PKP2: variants seen among roughly 807,000 people sequenced by gnomAD.
The protein encoded by PKP2 is plakophilin-2.
Under a neutral mutation model 83.4 loss-of-function variants are expected in PKP2, and 73 were observed. The observed-to-expected ratio is 0.88, with a 90% CI of 0.72 to 1.06. The LOEUF (loss-of-function observed/expected upper bound fraction) is 1.06, where lower values mean the gene tolerates loss of function less well. PKP2 is among the 50% of genes least tolerant of loss of function. The pLI is 0.00. For missense variants in PKP2, 966 were observed against 1,065.4 expected (o/e 0.91, Z 1.30); for synonymous variants, 409 against 430.4 (o/e 0.95, Z 0.62).
intron 6 of PKP2, among the ~76,000 whole-genome samples, chr12:32,833,791 T>C (rs902909407): frequency 2.0e-5 from 3 of 152,124 alleles, no homozygotes; most frequent in African/African-American, 2.4e-5. Flanking sequence ...ATAAAATGCA[T>C]TGAGAAAAAA....
In PKP2 at chr12:32,824,051, AT is replaced by A. The variant is rs794729128; in HGVS notation, c.1667del (p.Asp556ValfsTer56). On this transcript the variant is annotated frameshift_variant, in exon 7 of 13. Transcript: ENST00000340811. LOFTEE classifies it high-confidence loss of function. Reference protein sequence around the residue: ...VRGTIADYQPDDKATENCVCI... With the variant: ...VRGTIADYQPXDKATENCVCI... ...TATTTATCTCTTGAATTACCTTGTC[AT>A]CTGGCTGGTAATCTGCAATGGTTCC... is the stretch of plus-strand genomic sequence containing the variant. The A allele has an allele frequency of 1.3e-6, 2 of 1,554,986 alleles. No individual in the cohort carries two copies. Among genetic ancestry groups the A allele is most frequent in the Non-Finnish European group, 1.8e-6 (2 of 1,126,664 alleles).
intron 9 of PKP2, among the ~76,000 whole-genome samples, chr12:32,810,548 C>T (rs2389107): frequency 0.7 from 106,021 of 152,110 alleles, 38,836 homozygotes; most frequent in East Asian, 0.86. Context: ...CCTCTGCACA[C>T]TGCTGGTAGC....
chr12:32,867,840 C>T (rs776731999), intron 4 of PKP2, among the ~76,000 whole-genome samples: 6 of 152,132 alleles, frequency 3.9e-5, no homozygotes, highest in Non-Finnish European at 7.4e-5. Context: ...GTAGAAGAGA[C>T]TTACTTTTCA....
At chr12:32,815,031 G>A (rs1006004629) in intron 9 of PKP2, among the ~76,000 whole-genome samples, 1 of 151,056 alleles carries the variant, frequency 6.6e-6, no homozygotes, top group Non-Finnish European at 1.5e-5. Context: ...TTTCTTTTCT[G>A]ATTTTATACT....
At chr12:32,821,217 C>T in intron 9 of PKP2, 139 bp downstream of exon 9, 2 of 799,626 alleles carry the variant, frequency 2.5e-6, no homozygotes, top group South Asian at 3.1e-5. Flanking sequence ...AGACCGAAGC[C>T]CTCTGTAATT....
chr12:32,834,779 A>G (rs1325815905), intron 6 of PKP2, among the ~76,000 whole-genome samples: 1 of 152,192 alleles, frequency 6.6e-6, no homozygotes, highest in Non-Finnish European at 1.5e-5. Context: ...AAATGATGAT[A>G]AAACTTTGGC....
intron 3 of PKP2, among the ~76,000 whole-genome samples, chr12:32,875,228 C>A (rs868077342): frequency 6.6e-6 from 1 of 152,008 alleles, no homozygotes; most frequent in African/African-American, 2.4e-5. Flanking sequence ...ATCTGGGGCA[C>A]CTAAGCTAGA....
chr12:32,818,736 T>G (rs1206749869), intron 9 of PKP2, among the ~76,000 whole-genome samples: 1 of 152,194 alleles, frequency 6.6e-6, no homozygotes, highest in Non-Finnish European at 1.5e-5. Flanking sequence ...CTTGGGTTCT[T>G]TGCCACGTAA....
chr12:32,795,510 A>G (rs1956112259), intron 11 of PKP2, among the ~76,000 whole-genome samples: 1 of 152,046 alleles, frequency 6.6e-6, no homozygotes, highest in South Asian at 2.1e-4. Flanking sequence ...TCTTCCAAGT[A>G]GCTAGAATTA....
rs79895589 is a variant in PKP2, at chr12:32,847,058, A to C, written c.1378+3708T>G. Among the ~76,000 whole-genome samples, 751 of 152,296 alleles carry C rather than the reference A, an allele frequency of 4.9e-3. 1 individual carries two copies. Among genetic ancestry groups the C allele is most frequent in the Non-Finnish European group, 8.0e-3 (542 of 68,020 alleles). ...TGTCAGGAGAAATAGGGATAAAAAAACAGAAAGCCTTAGCTTAGTGACCAA... is the reference window on the plus strand; with the variant it reads ...TGTCAGGAGAAATAGGGATAAAAAACCAGAAAGCCTTAGCTTAGTGACCAA... On this transcript the variant is annotated intron_variant, in intron 5 of 12. Coordinates refer to ENST00000340811, the MANE Select transcript of PKP2 (RefSeq NM_001005242.3).
intron 3 of PKP2, among the ~76,000 whole-genome samples, chr12:32,869,319 G>T (rs981047034): frequency 3.9e-5 from 6 of 152,138 alleles, no homozygotes; most frequent in Non-Finnish European, 8.8e-5. Flanking sequence ...ACCAAAGAAA[G>T]AAGCTGAACT....
At chr12:32,890,074 C>CAA (rs55957473) in intron 1 of PKP2, among the ~76,000 whole-genome samples, 1,698 of 63,382 alleles carry the variant, frequency 0.027, 153 homozygotes, top group African/African-American at 0.071. Flanking sequence ...GACTCCATCT[C>CAA]AAAAAAAAAA....
chr12:32,796,356 A>G (rs1956124661), intron 10 of PKP2, 58 bp from the exon 11 acceptor site: 1 of 1,387,752 alleles, frequency 7.2e-7, no homozygotes, highest in Non-Finnish European at 1.0e-6. Context: ...CTTAATCCCA[A>G]GATCCCAATA....
intron 8 of PKP2, chr12:32,821,885 T>C: frequency 3.4e-6 from 1 of 297,348 alleles, no homozygotes; most frequent in Non-Finnish European, 6.4e-6. Context: ...GCCTGTTCCC[T>C]CAGAGTCTTG....
chr12:32,807,028 TTAATC>T (rs1417296329), intron 9 of PKP2, among the ~76,000 whole-genome samples: 2 of 152,214 alleles, frequency 1.3e-5, no homozygotes, highest in African/African-American at 4.8e-5. Flanking sequence ...AGTGAATTTC[TTAATC>T]TTGAGTTCTA....
chr12:32,791,330 T>C lies in PKP2; in HGVS notation c.*1094A>G, dbSNP rs1185101556. Reference sequence around the variant, plus strand: ...TTCACTTTTCTTCTCTAGAGTTTTCTTGAGTTAAAATAATGGCTTGAAGAA... The same window carrying C: ...TTCACTTTTCTTCTCTAGAGTTTTCCTGAGTTAAAATAATGGCTTGAAGAA... On this transcript the variant is annotated 3_prime_UTR_variant, in exon 13 of 13. Transcript: ENST00000340811. The C allele has an allele frequency of 6.6e-6, 1 of 152,236 alleles. No individual in the cohort carries two copies. The highest frequency in any genetic ancestry group is 6.5e-5 in the Admixed American group (1 of 15,276). The allele number at this position is 152,236 out of a possible 1,614,324, so 9.4% of individuals were successfully genotyped here.
chr12:32,800,213 T>C (rs1399103715), intron 10 of PKP2, among the ~76,000 whole-genome samples: 2 of 152,234 alleles, frequency 1.3e-5, no homozygotes, highest in Admixed American at 6.5e-5. Context: ...ATGTGGCATC[T>C]TGAAGCACAT....
In PKP2 at chr12:32,824,109, C is replaced by T. The variant is rs866789949; in HGVS notation, c.1610G>A (p.Gly537Glu). ...ATAATGGACCAGTGAGTCAATGAGTCCGTCACATCTTCTCATCGCTTTTCT... is the reference window on the plus strand; with the variant it reads ...ATAATGGACCAGTGAGTCAATGAGTTCGTCACATCTTCTCATCGCTTTTCT... ...DGRKAMRRCD[G>E]LIDSLVHYVR... is the part of the protein sequence containing the mutation. Residue 537 changes from glycine to glutamate, a missense_variant, in exon 7 of 13, where the codon GGA becomes GAA. Physicochemically the swap from Gly to Glu is moderately conservative, Grantham distance 98. Coordinates refer to ENST00000340811, the MANE Select transcript of PKP2 (RefSeq NM_001005242.3). 62 of 1,613,414 alleles carry T rather than the reference C, an allele frequency of 3.8e-5. No individual in the cohort carries two copies. The highest frequency in any genetic ancestry group is 5.2e-5 in the Non-Finnish European group (61 of 1,179,676).
At chr12:32,829,536 A>C (rs1340752788) in intron 6 of PKP2, among the ~76,000 whole-genome samples, 1 of 151,888 alleles carries the variant, frequency 6.6e-6, no homozygotes, top group East Asian at 1.9e-4. Flanking sequence ...CACCGTGACC[A>C]GCCAAAATTT....
Sources: gnomAD v4.1 joint callset for allele counts (sites outside exome capture counted in the v4.1 genomes callset) on GRCh38, gnomAD v4.1.1 for gene constraint, MANE v1.5 for transcripts, NCBI Gene and HGNC (gene_info 2026-07-23, HGNC 2026-07-21) for gene names.